The following GDPD5 variants were observed in gnomAD, a reference collection of about 807,000 sequenced individuals.
GDPD5 encodes glycerophosphodiester phosphodiesterase domain containing 5, also known as glycerophosphodiester phosphodiesterase 2.
A neutral mutation model predicts 75.1 loss-of-function variants in GDPD5; 48 were observed. The observed-to-expected ratio is 0.64, with a 90% confidence interval of 0.51 to 0.81. The LOEUF (loss-of-function observed/expected upper bound fraction) is 0.81. GDPD5 is among the 40% of genes least tolerant of loss of function. The pLI, the probability that GDPD5 is intolerant of heterozygous loss-of-function variation, is 0.00. For synonymous variants in GDPD5, 336 were observed against 339.0 expected, an observed-to-expected ratio of 0.99 and a Z score of 0.10; for missense variants, 706 against 822.6, an observed-to-expected ratio of 0.86 and a Z score of 1.73.
intron 3 of GDPD5, among the ~76,000 whole-genome samples, chr11:75,468,230 G>T (rs956707394): frequency 3.3e-5 from 5 of 152,096 alleles, no homozygotes; most frequent in Non-Finnish European, 5.9e-5. Flanking sequence ...AACAGAACAT[G>T]GGGTCTGAAG....
intron 2 of GDPD5, among the ~76,000 whole-genome samples, chr11:75,484,961 GC>G (rs1949993783): frequency 6.6e-6 from 1 of 152,088 alleles, no homozygotes; most frequent in Non-Finnish European, 1.5e-5. Context: ...GAACGAATGG[GC>G]AAACCAACCA....
In GDPD5 at chr11:75,441,677, G is replaced by A; in HGVS notation, c.1294C>T (p.Arg432Cys). 2 of 1,601,366 alleles carry A rather than the reference G, an allele frequency of 1.2e-6. No individual in the cohort carries two copies. Among genetic ancestry groups the A allele is most frequent in the Non-Finnish European group, 1.7e-6 (2 of 1,175,028 alleles). Residue 432 changes from arginine (R) to cysteine (C), a missense_variant, in exon 13 of 17, where the codon CGC (arginine) becomes TGC (cysteine). By Grantham distance (180) the Arg-to-Cys change is radical. Transcript: ENST00000336898. The stretch of plus-strand genomic sequence containing the variant: ...TCCTGGCGGGACACCTGAGTGTAGC[G>A]CAGGTTCAGCCGCTGGATGTGGCCT... ...RRGHIQRLNL[R>C]YTQVSRQELR...
chr11:75,503,049 C>T (rs1950326103), intron 1 of GDPD5, among the ~76,000 whole-genome samples: 2 of 152,186 alleles, frequency 1.3e-5, no homozygotes, highest in African/African-American at 4.8e-5. Context: ...GAGACTGAGT[C>T]TCGCTTTATC....
chr11:75,449,414 C>G (rs1309907679), intron 8 of GDPD5, 103 bp downstream of exon 8: 1 of 1,226,910 alleles, frequency 8.2e-7, no homozygotes, highest in Admixed American at 2.1e-5. Context: ...GGGCCCCACC[C>G]CATCCCCAGG....
At chr11:75,502,415 T>C (rs984033066) in intron 1 of GDPD5, among the ~76,000 whole-genome samples, 1 of 152,228 alleles carries the variant, frequency 6.6e-6, no homozygotes, top group African/African-American at 2.4e-5. Context: ...CACGAATAAG[T>C]TGCATATGGT....
At chr11:75,483,166 A>G (rs1156718062) in intron 2 of GDPD5, among the ~76,000 whole-genome samples, 1 of 152,130 alleles carries the variant, frequency 6.6e-6, no homozygotes, top group Non-Finnish European at 1.5e-5. Flanking sequence ...CAAGTTCCCA[A>G]GAAATCCCCT....
chr11:75,490,443 G>C (rs940643300), intron 1 of GDPD5, 123 bp from the exon 2 acceptor site: 3 of 152,392 alleles, frequency 2.0e-5, no homozygotes, highest in Non-Finnish European at 4.4e-5. Context: ...GTGGGGCCCA[G>C]TGATGGGTGA....
At chr11:75,489,178 T>A (rs182099653) in intron 2 of GDPD5, among the ~76,000 whole-genome samples, 2 of 96,914 alleles carry the variant, frequency 2.1e-5, no homozygotes, top group East Asian at 9.3e-4. Context: ...GAAAAAAAAA[T>A]TACAAAAAAA....
chr11:75,442,707 T>TGGCTGTGGCCATGTGGA (rs1948857565), intron 11 of GDPD5, 126 bp from the exon 12 acceptor site: 2 of 793,158 alleles, frequency 2.5e-6, no homozygotes, highest in Non-Finnish European at 4.0e-6. Context: ...GGCAGATTGA[T>TGGCTGTGGCCATGTGGA]GGCTGTGGCC....
intron 9 of GDPD5, among the ~76,000 whole-genome samples, chr11:75,445,998 T>C (rs1038622833): frequency 6.6e-6 from 1 of 152,206 alleles, no homozygotes; most frequent in Non-Finnish European, 1.5e-5. Context: ...TGTCTCCCAG[T>C]CCAGTGGGTT....
At chr11:75,470,925 G>T (rs1949647593) in intron 3 of GDPD5, among the ~76,000 whole-genome samples, 1 of 152,144 alleles carries the variant, frequency 6.6e-6, no homozygotes, top group South Asian at 2.1e-4. Context: ...CCCTTGTGCG[G>T]GCTCTGCCTG....
intron 1 of GDPD5, among the ~76,000 whole-genome samples, chr11:75,502,616 G>C (rs1950320320): frequency 6.6e-6 from 1 of 152,192 alleles, no homozygotes; most frequent in South Asian, 2.1e-4. Context: ...CCCATGGAGA[G>C]AAGTGGCGTC....
chr11:75,449,377 A>T (rs1949070063), intron 8 of GDPD5, 140 bp downstream of exon 8: 1 of 826,690 alleles, frequency 1.2e-6, no homozygotes, highest in Non-Finnish European at 1.9e-6. Flanking sequence ...GGCCACTCTG[A>T]GCCAGAATCC....
intron 1 of GDPD5, among the ~76,000 whole-genome samples, chr11:75,519,953 C>T (rs763352251): frequency 9.2e-5 from 14 of 152,234 alleles, no homozygotes; most frequent in African/African-American, 1.9e-4. Context: ...GGACGCCAGA[C>T]GGCTTCTCCC....
rs1370698879 is a variant in GDPD5 at position 75,456,005 on chromosome 11, T to C, written c.375+752A>G. Reference sequence around the variant, plus strand: ...GACGAATACTGAAAACACAAAAACATAGCTGTTCAGACATGTAGCAGGGGA... The same window carrying C: ...GACGAATACTGAAAACACAAAAACACAGCTGTTCAGACATGTAGCAGGGGA... On this transcript the variant is annotated intron_variant, in intron 6 of 16. Coordinates refer to ENST00000336898, the MANE Select transcript of GDPD5 (RefSeq NM_030792.8). 3.9e-5 allele frequency among the ~76,000 whole-genome samples: 6 copies of C among 152,078 alleles called. No homozygotes were observed. The South Asian group carries it at 6.2e-4, about 16-fold the overall frequency.
At chr11:75,436,663 A>G (rs953072515) in intron 16 of GDPD5, among the ~76,000 whole-genome samples, 5 of 151,900 alleles carry the variant, frequency 3.3e-5, no homozygotes, top group African/African-American at 1.2e-4. Flanking sequence ...TCCTCTCCCT[A>G]CCCCACCCCT....
At chr11:75,483,764 G>T (rs764086820) in intron 2 of GDPD5, among the ~76,000 whole-genome samples, 27 of 152,244 alleles carry the variant, frequency 1.8e-4, no homozygotes, top group Non-Finnish European at 3.7e-4. Context: ...ATGATTCCAT[G>T]TATAAGAAAT....
rs147755302 is a variant in GDPD5, at chr11:75,436,986, C to T, written c.1619G>A (p.Arg540His). 1,303 of 1,613,532 alleles carry T rather than the reference C, an allele frequency of 8.1e-4. 5 individuals carry two copies. Among genetic ancestry groups the T allele is most frequent in the Non-Finnish European group, 1.0e-3 (1,185 of 1,179,984 alleles). Reference protein sequence around the residue: ...PEQIMLSAAVRRTSRDVSIMK... With the variant: ...PEQIMLSAAVHRTSRDVSIMK... The stretch of plus-strand genomic sequence containing the variant: ...GATGCTGACGTCCCGGCTGGTCCGG[C>T]GCACCGCAGCACTCAGCATGATCTG... Residue 540 changes from arginine to histidine, a missense_variant, in exon 16 of 17, where the codon CGC (arginine) becomes CAC (histidine). Physicochemically the swap from Arg to His is conservative, Grantham distance 29. Coordinates refer to ENST00000336898, the MANE Select transcript of GDPD5 (RefSeq NM_030792.8).
At chr11:75,523,067 A>G (rs1941524973) in intron 1 of GDPD5, among the ~76,000 whole-genome samples, 1 of 152,218 alleles carries the variant, frequency 6.6e-6, no homozygotes, top group Non-Finnish European at 1.5e-5. Flanking sequence ...GAATTTCCCC[A>G]GACTTCCTGG....
Sources: gnomAD v4.1 joint callset for allele counts (sites outside exome capture counted in the v4.1 genomes callset) on GRCh38, gnomAD v4.1.1 for gene constraint, MANE v1.5 for transcripts, NCBI Gene and HGNC (gene_info 2026-07-23, HGNC 2026-07-21) for gene names.